LSAMP: variants seen among roughly 807,000 people sequenced by gnomAD.
LSAMP encodes the protein limbic system associated membrane protein, also known as limbic system-associated membrane protein.
LSAMP carries 7 observed loss-of-function variants against 38.6 expected under a neutral mutation model. That is an observed-to-expected ratio of 0.18 (90% CI 0.10 to 0.34). The LOEUF (loss-of-function observed/expected upper bound fraction) is 0.34. LSAMP is among the 10% of genes least tolerant of loss of function. The pLI, the probability that LSAMP is intolerant of heterozygous loss-of-function variation, is 1.00. For synonymous variants in LSAMP, 154 were observed against 166.8 expected (o/e 0.92, Z 0.59); for missense variants, 313 against 420.0 (o/e 0.75, Z 2.23).
chr3:115,869,294 G>A (rs1266405948), intron 3 of LSAMP, among the ~76,000 whole-genome samples: 1 of 151,862 alleles, frequency 6.6e-6, no homozygotes, highest in African/African-American at 2.4e-5. Context: ...GAGAGAGAGA[G>A]AGAGAGAGAC....
intron 1 of LSAMP, among the ~76,000 whole-genome samples, chr3:116,317,513 G>C (rs895306735): frequency 3.3e-5 from 5 of 151,892 alleles, no homozygotes; most frequent in Non-Finnish European, 7.4e-5. Context: ...CCGCCACCAC[G>C]TCTGGCTAAT....
intron 3 of LSAMP, among the ~76,000 whole-genome samples, chr3:115,867,940 G>T (rs1048297376): frequency 1.3e-5 from 2 of 152,086 alleles, no homozygotes; most frequent in South Asian, 4.1e-4. Flanking sequence ...TTCACAAAAC[G>T]GGAGTTTTCA....
intron 2 of LSAMP, among the ~76,000 whole-genome samples, chr3:116,048,148 T>C (rs1456140965): frequency 6.6e-6 from 1 of 152,218 alleles, no homozygotes; most frequent in Non-Finnish European, 1.5e-5. Context: ...TGAATACAAC[T>C]ATCTGGGTAG....
intron 6 of LSAMP, among the ~76,000 whole-genome samples, chr3:115,816,953 T>C (rs576134247): frequency 1.3e-5 from 2 of 152,358 alleles, no homozygotes; most frequent in East Asian, 3.9e-4. Flanking sequence ...AAAGGTACTC[T>C]TGACCGCAAT....
intron 1 of LSAMP, among the ~76,000 whole-genome samples, chr3:116,221,026 G>A (rs1157828917): frequency 1.3e-5 from 2 of 151,582 alleles, no homozygotes; most frequent in South Asian, 2.1e-4. Context: ...GGTGGCGGGC[G>A]CCTGTAGTCC....
At chr3:115,834,050 A>C (rs941301103) in intron 6 of LSAMP, among the ~76,000 whole-genome samples, 15 of 152,130 alleles carry the variant, frequency 9.9e-5, no homozygotes, top group East Asian at 3.8e-4. Context: ...AGAAAAAAAA[A>C]CCATGAATTG....
chr3:116,380,203 T>C (rs2048539454), intron 1 of LSAMP, among the ~76,000 whole-genome samples: 1 of 152,012 alleles, frequency 6.6e-6, no homozygotes, highest in Admixed American at 6.6e-5. Flanking sequence ...GCGGCAAAAA[T>C]TATAATCCAT....
intron 1 of LSAMP, among the ~76,000 whole-genome samples, chr3:116,308,470 A>G (rs1416615523): frequency 2.6e-5 from 4 of 152,086 alleles, no homozygotes; most frequent in South Asian, 2.1e-4. Flanking sequence ...AATGCAAGGT[A>G]AATTCTGTGA....
intron 1 of LSAMP, among the ~76,000 whole-genome samples, chr3:116,316,719 T>C (rs1036857329): frequency 1.5e-5 from 2 of 130,464 alleles, no homozygotes; most frequent in Non-Finnish European, 3.1e-5. Context: ...TGCAGTGAGC[T>C]AAGACCATGC....
At chr3:116,249,005 C>T (rs112076913) in intron 1 of LSAMP, among the ~76,000 whole-genome samples, 5 of 151,792 alleles carry the variant, frequency 3.3e-5, no homozygotes, top group South Asian at 2.1e-4. Flanking sequence ...AAAAATTAGC[C>T]GGGCATGGTG....
chr3:115,813,703 A>G (rs1933917098), intron 6 of LSAMP, among the ~76,000 whole-genome samples: 4 of 152,222 alleles, frequency 2.6e-5, no homozygotes, highest in South Asian at 4.1e-4. Context: ...ACAAGTGTGT[A>G]TGCAATTATA....
intron 1 of LSAMP, among the ~76,000 whole-genome samples, chr3:116,347,838 T>C (rs182746806): frequency 1.5e-3 from 225 of 152,016 alleles, no homozygotes; most frequent in Non-Finnish European, 3.0e-3. Context: ...TATGGCATGG[T>C]AGAAAAATAT....
chr3:115,863,551 T>C lies in LSAMP; in HGVS notation c.515-10934A>G, dbSNP rs547726653. ...ATAAAAATGTGTTGTATATGTGTTA[T>C]TCATATACAACACATTTGCATATAC... On this transcript the variant is annotated intron_variant, in intron 3 of 6. Coordinates refer to ENST00000490035, the MANE Select transcript of LSAMP (RefSeq NM_002338.5). Among the ~76,000 whole-genome samples, 33 of 124,370 alleles carry C rather than the reference T, an allele frequency of 2.7e-4. No homozygotes were observed. In the East Asian group the frequency reaches 5.5e-3, roughly 21 times the overall value. The allele number at this position is 124,370 out of a possible 152,430, so 81.6% of individuals were successfully genotyped here.
intron 3 of LSAMP, among the ~76,000 whole-genome samples, chr3:115,950,509 T>C (rs964123440): frequency 2.6e-5 from 4 of 151,922 alleles, no homozygotes; most frequent in Admixed American, 1.3e-4. Flanking sequence ...AAAAAATAAA[T>C]AAATTGCTTA....
At chr3:115,960,974 G>T (rs1393886747) in intron 3 of LSAMP, among the ~76,000 whole-genome samples, 1 of 152,106 alleles carries the variant, frequency 6.6e-6, no homozygotes, top group Non-Finnish European at 1.5e-5. Flanking sequence ...TATCTCCCCA[G>T]CATCCTCCCA....
At chr3:116,266,036 G>C (rs902345143) in intron 1 of LSAMP, among the ~76,000 whole-genome samples, 2 of 152,012 alleles carry the variant, frequency 1.3e-5, no homozygotes, top group African/African-American at 4.8e-5. Context: ...TAACAGAAGG[G>C]AAGTACTTTA....
chr3:116,205,198 C>T (rs1377192035), intron 1 of LSAMP, among the ~76,000 whole-genome samples: 1 of 148,918 alleles, frequency 6.7e-6, no homozygotes, highest in African/African-American at 2.5e-5. Flanking sequence ...ATTTGGCTCT[C>T]TGTTTGTCTG....
At chr3:116,376,607 GT>G (rs2107797067) in intron 1 of LSAMP, among the ~76,000 whole-genome samples, 2 of 152,036 alleles carry the variant, frequency 1.3e-5, no homozygotes, top group South Asian at 4.1e-4. Context: ...TCTTAGTGCA[GT>G]TTTTACATTT....
chr3:115,869,193 A>G (rs753270454), intron 3 of LSAMP, among the ~76,000 whole-genome samples: 6 of 152,110 alleles, frequency 3.9e-5, no homozygotes, highest in Non-Finnish European at 8.8e-5. Flanking sequence ...TTTGATAGCC[A>G]TAAACAAAAA....
Sources: gnomAD v4.1 joint callset for allele counts (sites outside exome capture counted in the v4.1 genomes callset) on GRCh38, gnomAD v4.1.1 for gene constraint, MANE v1.5 for transcripts, NCBI Gene and HGNC (gene_info 2026-07-23, HGNC 2026-07-21) for gene names.